CNTNAP2: variants seen among roughly 807,000 people sequenced by gnomAD.
CNTNAP2 encodes the protein contactin-associated protein-like 2.
CNTNAP2 carries 98 observed loss-of-function variants against 155.2 expected under a neutral mutation model. The ratio of observed to expected loss-of-function variants is 0.63; its 90% CI spans 0.54 to 0.75. The LOEUF is 0.75. Among genes scored for constraint, CNTNAP2 ranks in the 30% least tolerant of loss-of-function variants. CNTNAP2 has a pLI of 0.00. For synonymous variants in CNTNAP2, 651 were observed against 631.2 expected, an observed-to-expected ratio of 1.03 and a Z score of -0.47; for missense variants, 1,727 against 1,688.1, an observed-to-expected ratio of 1.02 and a Z score of -0.40.
chr7:146,370,260 TAAAAAAAAAAA>T (rs34996621), intron 1 of CNTNAP2, among the ~76,000 whole-genome samples: 72 of 87,598 alleles, frequency 8.2e-4, no homozygotes, highest in Admixed American at 6.3e-3. Context: ...ATCTCTACTT[TAAAAAAAAAAA>T]AAAAAAAAAA....
chr7:147,445,189 T>C (rs17170500), intron 10 of CNTNAP2, among the ~76,000 whole-genome samples: 2,447 of 152,302 alleles, frequency 0.016, 64 homozygotes, highest in African/African-American at 0.055. Context: ...GTTAACCTGA[T>C]CTGTCCTCTC....
At chr7:146,827,704 A>G (rs1374463498) in intron 2 of CNTNAP2, among the ~76,000 whole-genome samples, 1 of 152,100 alleles carries the variant, frequency 6.6e-6, no homozygotes, top group Non-Finnish European at 1.5e-5. Context: ...TTGCACCCAG[A>G]AAACTGACAT....
chr7:146,910,467 A>G (rs1796248422), intron 3 of CNTNAP2, among the ~76,000 whole-genome samples: 1 of 149,696 alleles, frequency 6.7e-6, no homozygotes, highest in Admixed American at 6.6e-5. Flanking sequence ...ATATAGATCA[A>G]TGGAACAGAA....
chr7:147,980,933 CAAAAAAAA>C (rs34927518), intron 15 of CNTNAP2, among the ~76,000 whole-genome samples: 1,757 of 94,058 alleles, frequency 0.019, 34 homozygotes, highest in African/African-American at 0.072. Context: ...TCCATCTTAA[CAAAAAAAA>C]AAAAAAAAAA....
chr7:148,234,065 A>G lies in CNTNAP2; in HGVS notation c.3381+4286A>G, dbSNP rs1032573380. Among the ~76,000 whole-genome samples the G allele has an allele frequency of 4.6e-5, 7 of 152,342 alleles. No individual in the cohort carries two copies. In the South Asian group the frequency reaches 1.4e-3, roughly 32 times the overall value. ...GTACAGCCTGTAGAACTGTGAGTCAATTAAACCTCTTTTCTTTATAAATTA... is the reference window on the plus strand; with the variant it reads ...GTACAGCCTGTAGAACTGTGAGTCAGTTAAACCTCTTTTCTTTATAAATTA... On this transcript the variant is annotated intron_variant, in intron 20 of 23. Transcript: ENST00000361727.
At chr7:147,238,516 T>C (rs1354317146) in intron 8 of CNTNAP2, among the ~76,000 whole-genome samples, 2 of 152,184 alleles carry the variant, frequency 1.3e-5, no homozygotes, top group African/African-American at 2.4e-5. Context: ...TTAGTGATGG[T>C]TTCAATGGAA....
rs1459523747 is a variant in CNTNAP2 at position 148,332,299 on chromosome 7, C to T, written c.3476-51350C>T. On this transcript the variant is annotated intron_variant, in intron 21 of 23. Coordinates refer to ENST00000361727, the MANE Select transcript of CNTNAP2 (RefSeq NM_014141.6). ...ATTAAAGCCATGTATGCTTTATTTG[C>T]TTATGACATGAAATTCTGGTTTCTG... 5.9e-5 allele frequency among the ~76,000 whole-genome samples: 9 copies of T among 152,160 alleles called. No homozygotes were observed. In the South Asian group the frequency reaches 1.5e-3, roughly 25 times the overall value.
At chr7:146,857,834 C>T (rs1270327363) in intron 3 of CNTNAP2, among the ~76,000 whole-genome samples, 2 of 152,144 alleles carry the variant, frequency 1.3e-5, no homozygotes, top group African/African-American at 4.8e-5. Flanking sequence ...TTCAAAGATA[C>T]TACCAAAGAT....
chr7:148,141,872 G>A (rs2116644618), intron 16 of CNTNAP2, among the ~76,000 whole-genome samples: 1 of 152,254 alleles, frequency 6.6e-6, no homozygotes, highest in South Asian at 2.1e-4. Context: ...CTAAGGCCCT[G>A]GGGCAGGAGC....
intron 3 of CNTNAP2, among the ~76,000 whole-genome samples, chr7:146,949,786 C>T (rs1451207369): frequency 6.6e-6 from 1 of 152,100 alleles, no homozygotes; most frequent in Non-Finnish European, 1.5e-5. Flanking sequence ...AGACCTGATC[C>T]AGGACTCTTA....
chr7:146,229,322 T>C (rs943690658), intron 1 of CNTNAP2, among the ~76,000 whole-genome samples: 15 of 152,212 alleles, frequency 9.9e-5, no homozygotes, highest in Admixed American at 7.2e-4. Context: ...CATGAAACTT[T>C]TTCTTTAAAC....
At chr7:146,484,875 G>C (rs1797030725) in intron 1 of CNTNAP2, among the ~76,000 whole-genome samples, 1 of 152,084 alleles carries the variant, frequency 6.6e-6, no homozygotes, top group Admixed American at 6.5e-5. Flanking sequence ...TTAAGGTATA[G>C]TTTTTAAAAT....
chr7:148,129,934 A>G (rs1328862640), intron 16 of CNTNAP2, among the ~76,000 whole-genome samples: 1 of 152,202 alleles, frequency 6.6e-6, no homozygotes, highest in Non-Finnish European at 1.5e-5. Context: ...CCACAATAAA[A>G]CACATCTGCT....
chr7:147,273,491 T>G (rs1369995095), intron 8 of CNTNAP2, among the ~76,000 whole-genome samples: 1 of 151,982 alleles, frequency 6.6e-6, no homozygotes, highest in Non-Finnish European at 1.5e-5. Context: ...AACAGTAATT[T>G]TTCAACCTTC....
intron 1 of CNTNAP2, among the ~76,000 whole-genome samples, chr7:146,462,556 T>G (rs967607828): frequency 6.6e-6 from 1 of 152,216 alleles, no homozygotes; most frequent in African/African-American, 2.4e-5. Flanking sequence ...AAAGTAACAC[T>G]GCTCTTGATA....
At chr7:146,511,757 A>G (rs753364209) in intron 1 of CNTNAP2, among the ~76,000 whole-genome samples, 4 of 152,110 alleles carry the variant, frequency 2.6e-5, no homozygotes, top group Non-Finnish European at 4.4e-5. Context: ...TTGTCCTTGC[A>G]TGGATTTGGT....
At chr7:147,701,745 A>G (rs887883276) in intron 13 of CNTNAP2, among the ~76,000 whole-genome samples, 4 of 152,196 alleles carry the variant, frequency 2.6e-5, no homozygotes, top group Non-Finnish European at 5.9e-5. Context: ...CAGACGTGGT[A>G]TATTCAGTTT....
chr7:147,263,217 G>A (rs766690612), intron 8 of CNTNAP2, among the ~76,000 whole-genome samples: 1 of 152,038 alleles, frequency 6.6e-6, no homozygotes, highest in African/African-American at 2.4e-5. Flanking sequence ...GCATGGTAGT[G>A]TGGTGATACA....
intron 1 of CNTNAP2, among the ~76,000 whole-genome samples, chr7:146,642,180 T>G (rs959303701): frequency 2.6e-5 from 4 of 152,018 alleles, no homozygotes; most frequent in Non-Finnish European, 5.9e-5. Context: ...TATTATACTT[T>G]AAGTTTTAGG....
Sources: allele counts gnomAD v4.1 joint callset (sites outside exome capture counted in the v4.1 genomes callset), GRCh38; gene constraint gnomAD v4.1.1; transcripts MANE v1.5; gene names NCBI Gene and HGNC (gene_info 2026-07-23, HGNC 2026-07-21).